Variants in PDS5B observed in about 807,000 individuals in gnomAD.
The protein encoded by PDS5B is sister chromatid cohesion protein PDS5 homolog B.
A neutral mutation model predicts 184.1 loss-of-function variants in PDS5B; 51 were observed. That is an observed-to-expected ratio of 0.28 (90% CI 0.22 to 0.35). PDS5B has a LOEUF of 0.35. Ranked by LOEUF, PDS5B falls within the 10% of genes least tolerant of loss-of-function variation. The probability of loss-of-function intolerance (pLI) is 1.00; values close to 1 mark genes in which losing one functional copy is unlikely to be tolerated. For missense variants in PDS5B, 1,180 were observed against 1,723.3 expected (o/e 0.68, Z 5.58); for synonymous variants, 566 against 569.2 (o/e 0.99, Z 0.08).
intron 1 of PDS5B, among the ~76,000 whole-genome samples, chr13:32,644,876 G>A (rs751276871): frequency 6.6e-6 from 1 of 152,078 alleles, no homozygotes; most frequent in Non-Finnish European, 1.5e-5. Flanking sequence ...TTGATGTGAT[G>A]AATTTAACCT....
intron 17 of PDS5B, among the ~76,000 whole-genome samples, chr13:32,703,630 C>T (rs1490665741): frequency 2.0e-5 from 3 of 152,118 alleles, no homozygotes; most frequent in Non-Finnish European, 2.9e-5. Context: ...AGCATTTAAA[C>T]CTAGGAAGTC....
intron 1 of PDS5B, among the ~76,000 whole-genome samples, chr13:32,589,512 A>C (rs9595877): frequency 6.6e-6 from 1 of 152,036 alleles, no homozygotes; most frequent in Non-Finnish European, 1.5e-5. Flanking sequence ...GTCTTTCTTT[A>C]TGTAACATTA....
At chr13:32,605,907 T>TC (rs371157021) in intron 1 of PDS5B, among the ~76,000 whole-genome samples, 48,188 of 150,452 alleles carry the variant, frequency 0.32, 7,995 homozygotes, top group Non-Finnish European at 0.37. Context: ...TTTTTTTTTT[T>TC]CCCATTTGCT....
chr13:32,617,212 A>G (rs1221060482), intron 1 of PDS5B, among the ~76,000 whole-genome samples: 2 of 152,210 alleles, frequency 1.3e-5, no homozygotes, highest in Non-Finnish European at 2.9e-5. Context: ...ATCCTAAGCC[A>G]TTTATTTAAT....
chr13:32,616,046 CCT>C (rs763487568), intron 1 of PDS5B, among the ~76,000 whole-genome samples: 53 of 151,052 alleles, frequency 3.5e-4, no homozygotes, highest in African/African-American at 1.1e-3. Flanking sequence ...TATTTTTCCT[CCT>C]CTCTCTCTCT....
At chr13:32,695,185 T>G (rs763824591) in intron 14 of PDS5B, among the ~76,000 whole-genome samples, 3 of 151,946 alleles carry the variant, frequency 2.0e-5, no homozygotes, top group Non-Finnish European at 2.9e-5. Context: ...TCACTAGTAA[T>G]AAGACATTTT....
chr13:32,610,205 A>G (rs551126381), intron 1 of PDS5B, among the ~76,000 whole-genome samples: 14 of 152,204 alleles, frequency 9.2e-5, no homozygotes, highest in South Asian at 6.2e-4. Context: ...ATACAAATCA[A>G]TGTAGGTACG....
chr13:32,712,913 G>A lies in PDS5B; in HGVS notation c.2123+2807G>A, dbSNP rs193046302. ...TTACGGGAACAGAAGAAAATTATAC[G>A]CTTAACCCATTAAACAAAAAATGAA... On this transcript the variant is annotated intron_variant, in intron 19 of 34. Coordinates refer to ENST00000315596, the MANE Select transcript of PDS5B (RefSeq NM_015032.4). Among the ~76,000 whole-genome samples the A allele has an allele frequency of 4.5e-4, 69 of 152,148 alleles. No homozygotes were observed. In the East Asian group the frequency reaches 0.011, roughly 25 times the overall value.
At chr13:32,730,992 G>T (rs545371966) in intron 19 of PDS5B, among the ~76,000 whole-genome samples, 3 of 152,272 alleles carry the variant, frequency 2.0e-5, no homozygotes, top group Non-Finnish European at 2.9e-5. Context: ...TGTTGAATAG[G>T]AGTGGTGAGA....
chr13:32,615,628 T>A (rs1440631179), intron 1 of PDS5B, among the ~76,000 whole-genome samples: 2 of 152,184 alleles, frequency 1.3e-5, no homozygotes, highest in African/African-American at 4.8e-5. Flanking sequence ...GAACTTCTAG[T>A]CATCATGGTG....
At chr13:32,625,375 C>T (rs1192718226) in intron 1 of PDS5B, among the ~76,000 whole-genome samples, 1 of 152,122 alleles carries the variant, frequency 6.6e-6, no homozygotes. Context: ...CCATGCCTGG[C>T]TAACCTATTT....
intron 12 of PDS5B, 89 bp from the exon 13 acceptor site, chr13:32,688,367 A>G: frequency 1.6e-6 from 1 of 636,130 alleles, no homozygotes; most frequent in Non-Finnish European, 2.8e-6. Flanking sequence ...CTTCTTTAAT[A>G]TATGTTCTTT....
intron 1 of PDS5B, among the ~76,000 whole-genome samples, chr13:32,602,555 A>G (rs1304115413): frequency 1.3e-5 from 2 of 152,218 alleles, no homozygotes; most frequent in Admixed American, 1.3e-4. Flanking sequence ...CGCAATAAAC[A>G]TACATGTGCA....
At chr13:32,643,323 A>G (rs997000912) in intron 1 of PDS5B, among the ~76,000 whole-genome samples, 3 of 152,268 alleles carry the variant, frequency 2.0e-5, no homozygotes, top group African/African-American at 4.8e-5. Context: ...TCATGCAGCT[A>G]TTCTCTTTTA....
intron 5 of PDS5B, 70 bp from the exon 6 acceptor site, chr13:32,659,084 C>G: frequency 1.8e-6 from 2 of 1,104,052 alleles, no homozygotes; most frequent in South Asian, 2.4e-5. Flanking sequence ...TAATGCTTGT[C>G]AGTGTCATCT....
Position 32,758,160 on chromosome 13 carries a change from G to C in PDS5B, c.3130G>C (p.Val1044Leu). The C allele has an allele frequency of 6.5e-7, 1 of 1,548,736 alleles. No homozygotes were observed. Among genetic ancestry groups the C allele is most frequent in the Non-Finnish European group, 8.8e-7 (1 of 1,132,460 alleles). Reference sequence around the variant, plus strand: ...CAGTCACGCTTTTATCAGAAAGATGGTAGAAAATATTAAACAAACAAAAGA... The same window carrying C: ...CAGTCACGCTTTTATCAGAAAGATGCTAGAAAATATTAAACAAACAAAAGA... The part of the protein sequence containing the change: ...NNSHAFIRKM[V>L]ENIKQTKDAQ... Residue 1044 changes from valine (V) to leucine (L), a missense_variant, in exon 27 of 35, where the codon GTA becomes CTA. Val to Leu is a conservative substitution (Grantham distance 32, BLOSUM62 1). Around this residue, in one of 11 missense-constraint regions of PDS5B, gnomAD observed 465 missense variants for 497.8 expected, o/e 0.93. Transcript: ENST00000315596.
intron 30 of PDS5B, among the ~76,000 whole-genome samples, chr13:32,761,642 T>G (rs1954401497): frequency 6.6e-6 from 1 of 152,186 alleles, no homozygotes; most frequent in African/African-American, 2.4e-5. Context: ...GATTTCATCC[T>G]TTTTTATGGC....
chr13:32,591,561 G>C (rs1249964885), intron 1 of PDS5B, among the ~76,000 whole-genome samples: 3 of 152,032 alleles, frequency 2.0e-5, no homozygotes, highest in Admixed American at 2.0e-4. Flanking sequence ...GACTCCTGTT[G>C]AGTAGTACTA....
At chr13:32,693,249 G>A (rs2140845178) in intron 13 of PDS5B, among the ~76,000 whole-genome samples, 1 of 152,000 alleles carries the variant, frequency 6.6e-6, no homozygotes, top group African/African-American at 2.4e-5. Flanking sequence ...AATTAGTAAA[G>A]TATAGCTATT....
Sources: gnomAD v4.1 joint callset for allele counts (sites outside exome capture counted in the v4.1 genomes callset) on GRCh38, gnomAD v4.1.1 for gene constraint, gnomAD v4.1.1 regional missense constraint, MANE v1.5 for transcripts, NCBI Gene and HGNC (gene_info 2026-07-23, HGNC 2026-07-21) for gene names.